DSE: variants seen among roughly 807,000 people sequenced by gnomAD.
DSE encodes dermatan sulfate epimerase, also known as dermatan-sulfate epimerase.
Under a neutral mutation model 84.4 loss-of-function variants are expected in DSE, and 36 were observed. The observed-to-expected ratio is 0.43, with a 90% CI of 0.33 to 0.56. DSE has a LOEUF of 0.56. Ranked by LOEUF, DSE falls within the 20% of genes least tolerant of loss-of-function variation. DSE has a pLI of 0.06. For synonymous variants in DSE, 410 were observed against 430.1 expected (o/e 0.95, Z 0.58); for missense variants, 862 against 1,169.6 (o/e 0.74, Z 3.84).
chr6:116,356,676 A>G (rs1350907860), intron 2 of DSE, among the ~76,000 whole-genome samples: 1 of 152,210 alleles, frequency 6.6e-6, no homozygotes, highest in Non-Finnish European at 1.5e-5. Context: ...CCCCATTGGT[A>G]AAGTGACTTA....
intron 2 of DSE, among the ~76,000 whole-genome samples, chr6:116,357,349 G>A (rs977236329): frequency 6.6e-6 from 1 of 152,058 alleles, no homozygotes; most frequent in African/African-American, 2.4e-5. Flanking sequence ...TGGCTAACAC[G>A]GTGAAACCCC....
intron 2 of DSE, among the ~76,000 whole-genome samples, chr6:116,291,917 A>G (rs961527340): frequency 3.9e-5 from 6 of 152,172 alleles, no homozygotes; most frequent in African/African-American, 1.2e-4. Flanking sequence ...GATGGGTGGA[A>G]ATGTGATTGA....
At chr6:116,310,601 C>CT (rs1775637876) in intron 2 of DSE, among the ~76,000 whole-genome samples, 1 of 152,040 alleles carries the variant, frequency 6.6e-6, no homozygotes, top group Non-Finnish European at 1.5e-5. Flanking sequence ...CCTCTTTTTC[C>CT]TTTTTTTCTA....
Position 116,270,055 on chromosome 6 carries a change from TAGAG to T in DSE, c.-54+11091_-54+11094del, listed in dbSNP as rs1227630858. Among the ~76,000 whole-genome samples, 6 of 151,878 alleles carry T rather than the reference TAGAG, an allele frequency of 4.0e-5. No homozygotes were observed. In the South Asian group the frequency reaches 8.3e-4, roughly 21 times the overall value. On this transcript the variant is annotated intron_variant, in intron 2 of 3. Transcript: ENST00000430252. Reference sequence around the variant, plus strand: ...TAAAGAAGAGCTAAATACAAATAAATAGAGAGTAAAAAATTTCTGGGAAAAGAAA... The same window carrying T: ...TAAAGAAGAGCTAAATACAAATAAATAGTAAAAAATTTCTGGGAAAAGAAA...
intron 1 of DSE, among the ~76,000 whole-genome samples, chr6:116,386,172 A>G (rs6900245): frequency 6.6e-6 from 1 of 152,154 alleles, no homozygotes; most frequent in Admixed American, 6.5e-5. Context: ...GGTGTAAGTC[A>G]GAGAAAAATA....
chr6:116,286,690 T>G (rs1037085477), intron 2 of DSE, among the ~76,000 whole-genome samples: 1 of 152,148 alleles, frequency 6.6e-6, no homozygotes, highest in African/African-American at 2.4e-5. Context: ...TTGCCTACAC[T>G]GTAAGAAATA....
At chr6:116,389,661 T>A (rs915028905) in intron 1 of DSE, among the ~76,000 whole-genome samples, 11 of 152,182 alleles carry the variant, frequency 7.2e-5, no homozygotes, top group Non-Finnish European at 1.6e-4. Context: ...CTGTATAGGG[T>A]TGAGATTTAG....
chr6:116,362,508 A>C (rs987618634), intron 2 of DSE, among the ~76,000 whole-genome samples: 2 of 152,228 alleles, frequency 1.3e-5, no homozygotes, highest in African/African-American at 4.8e-5. Flanking sequence ...AAATCACTCT[A>C]TCTCCATGTG....
At chr6:116,337,833 G>A (rs1777342725) in intron 2 of DSE, among the ~76,000 whole-genome samples, 1 of 152,124 alleles carries the variant, frequency 6.6e-6, no homozygotes, top group Admixed American at 6.5e-5. Flanking sequence ...AAGCAAAAAT[G>A]TGTAATTTTG....
chr6:116,265,481 C>T (rs1319427934), intron 2 of DSE, among the ~76,000 whole-genome samples: 1 of 152,054 alleles, frequency 6.6e-6, no homozygotes, highest in African/African-American at 2.4e-5. Context: ...GCAGAATCTG[C>T]CCATACAGAC....
intron 2 of DSE, among the ~76,000 whole-genome samples, chr6:116,268,509 G>A (rs2114610515): frequency 1.3e-5 from 2 of 152,248 alleles, no homozygotes; most frequent in East Asian, 3.9e-4. Flanking sequence ...AAAAAATAAT[G>A]AATTTTTCAT....
At position 116,440,152 on chromosome 6, in the gene DSE, A is replaced by T. The variant is rs1162132672; in HGVS notation, c.*2807A>T. Reference sequence around the variant, plus strand: ...TAAAATGTATCACCTAAGATAATGAATTCTTCCACAAATATTTTAGTCATA... The same window carrying T: ...TAAAATGTATCACCTAAGATAATGATTTCTTCCACAAATATTTTAGTCATA... On this transcript the variant is annotated 3_prime_UTR_variant, in exon 6 of 6. Coordinates refer to ENST00000644252, the MANE Select transcript of DSE (RefSeq NM_013352.4). 6.6e-6 allele frequency: 1 copy of T among 152,090 alleles called. No individual in the cohort carries two copies. Among genetic ancestry groups the T allele is most frequent in the East Asian group, 1.9e-4 (1 of 5,204 alleles). The allele number at this position is 152,090 out of a possible 1,614,324, so 9.4% of individuals were successfully genotyped here.
At position 116,330,613 on chromosome 6, in the gene DSE, T is replaced by C. The variant is rs367643563; in HGVS notation, c.-53-68585T>C. Among the ~76,000 whole-genome samples, 34 of 152,264 alleles carry C rather than the reference T, an allele frequency of 2.2e-4. No homozygotes were observed. The South Asian group carries it at 6.0e-3, about 27-fold the overall frequency. On this transcript the variant is annotated intron_variant, in intron 2 of 3. Transcript: ENST00000430252. ...TTTGATTATTTTATTATAAGCTTAGTAGGATAAGAAAAATACAAAAAATAC... is the reference window on the plus strand; with the variant it reads ...TTTGATTATTTTATTATAAGCTTAGCAGGATAAGAAAAATACAAAAAATAC...
At chr6:116,306,921 G>T (rs2114719903) in intron 2 of DSE, among the ~76,000 whole-genome samples, 2 of 152,218 alleles carry the variant, frequency 1.3e-5, no homozygotes, top group South Asian at 4.2e-4. Context: ...CTTGATCTTG[G>T]ACTTCCCAGC....
chr6:116,411,949 A>G (rs1446969757), intron 2 of DSE, among the ~76,000 whole-genome samples: 3 of 152,236 alleles, frequency 2.0e-5, no homozygotes, highest in Non-Finnish European at 4.4e-5. Context: ...TGCCTGGGGC[A>G]TATTGAAGTT....
intron 2 of DSE, among the ~76,000 whole-genome samples, chr6:116,318,948 G>A (rs892044065): frequency 1.3e-5 from 2 of 152,142 alleles, no homozygotes; most frequent in Admixed American, 6.5e-5. Context: ...ATAGAGGACA[G>A]AATGCCCAAA....
At position 116,426,728 on chromosome 6, in the gene DSE, A is replaced by G; in HGVS notation, c.571A>G (p.Thr191Ala). 1 of 1,614,174 alleles carries G rather than the reference A, an allele frequency of 6.2e-7. No individual in the cohort carries two copies. Among genetic ancestry groups the G allele is most frequent in the Non-Finnish European group, 8.5e-7 (1 of 1,180,032 alleles). ...CAATGCCTCAGGGTATATGTATGAA[A>G]CTTCATACAGGAGAGGATGGGGATT... ...IANASGYMYE[T>A]SYRRGWGFQY... Residue 191 changes from threonine (T) to alanine (A), a missense_variant, in exon 3 of 6, where the codon ACT (threonine) becomes GCT (alanine). By Grantham distance (58) the Thr-to-Ala change is moderately conservative. Transcript: ENST00000644252.
At chr6:116,273,834 G>GTTTTTTT (rs35845513) in intron 2 of DSE, among the ~76,000 whole-genome samples, 1 of 136,946 alleles carries the variant, frequency 7.3e-6, no homozygotes. Context: ...ATGTTTTTTT[G>GTTTTTTT]TTTTTTTTTT....
chr6:116,347,167 T>A (rs1333319788), intron 2 of DSE, among the ~76,000 whole-genome samples: 1 of 152,120 alleles, frequency 6.6e-6, no homozygotes, highest in African/African-American at 2.4e-5. Context: ...ATAGGAGGAA[T>A]CAATATCCTG....
Sources: allele counts gnomAD v4.1 joint callset (sites outside exome capture counted in the v4.1 genomes callset), GRCh38; gene constraint gnomAD v4.1.1; transcripts MANE v1.5; gene names NCBI Gene and HGNC (gene_info 2026-07-23, HGNC 2026-07-21).